ATP8A1: variants seen among roughly 807,000 people sequenced by gnomAD.
ATP8A1 encodes ATPase phospholipid transporting 8A1.
ATP8A1 carries 90 observed loss-of-function variants against 177.7 expected under a neutral mutation model. That is an observed-to-expected ratio of 0.51 (90% CI 0.43 to 0.60). The LOEUF (loss-of-function observed/expected upper bound fraction) is 0.60, where lower values mean the gene tolerates loss of function less well. Ranked by LOEUF, ATP8A1 falls within the 20% of genes least tolerant of loss-of-function variation. The pLI, the probability that ATP8A1 is intolerant of heterozygous loss-of-function variation, is 0.00. For missense variants in ATP8A1, 1,072 were observed against 1,392.8 expected, an observed-to-expected ratio of 0.77 and a Z score of 3.67; for synonymous variants, 493 against 485.9, an observed-to-expected ratio of 1.01 and a Z score of -0.19.
chr4:42,440,962 A>C (rs997892076), intron 33 of ATP8A1, among the ~76,000 whole-genome samples: 4 of 152,118 alleles, frequency 2.6e-5, no homozygotes, highest in African/African-American at 9.7e-5. Flanking sequence ...CCAAATCAAC[A>C]CAGGAAAGGA....
At chr4:42,634,060 G>A (rs2109518110) in intron 1 of ATP8A1, among the ~76,000 whole-genome samples, 1 of 152,302 alleles carries the variant, frequency 6.6e-6, no homozygotes, top group East Asian at 1.9e-4. Flanking sequence ...TATGCAGTAG[G>A]AATTCACTGA....
intron 35 of ATP8A1, among the ~76,000 whole-genome samples, chr4:42,419,623 T>C (rs564264258): frequency 3.3e-5 from 5 of 152,268 alleles, no homozygotes; most frequent in African/African-American, 4.8e-5. Context: ...TAAAATAACA[T>C]GGTGTTTTGG....
intron 7 of ATP8A1, among the ~76,000 whole-genome samples, chr4:42,589,292 T>A: frequency 6.6e-6 from 1 of 152,342 alleles, no homozygotes; most frequent in East Asian, 1.9e-4. Flanking sequence ...AATTTACTAA[T>A]ATCACATAAG....
At chr4:42,629,050 A>G (rs983264074) in intron 1 of ATP8A1, among the ~76,000 whole-genome samples, 1 of 152,200 alleles carries the variant, frequency 6.6e-6, no homozygotes, top group Non-Finnish European at 1.5e-5. Context: ...ATTGCTATCC[A>G]CTGAAAGCAA....
At position 42,557,601 on chromosome 4, in the gene ATP8A1, A is replaced by G. The variant is rs183657024; in HGVS notation, c.1341-1561T>C. 8.4e-3 allele frequency among the ~76,000 whole-genome samples: 1,279 copies of G among 152,342 alleles called. 12 individuals are homozygous for G. Among genetic ancestry groups the G allele is most frequent in the African/African-American group, 0.029 (1,193 of 41,562 alleles). ...ACTATAATTGACTTAATTTTCAAAC[A>G]TATTTATATTTGAGTAGCTCTGGAT... On this transcript the variant is annotated intron_variant, in intron 15 of 36. Coordinates refer to ENST00000381668, the MANE Select transcript of ATP8A1 (RefSeq NM_006095.2).
chr4:42,530,562 C>G (rs914386719), intron 20 of ATP8A1, among the ~76,000 whole-genome samples: 1 of 152,154 alleles, frequency 6.6e-6, no homozygotes, highest in Non-Finnish European at 1.5e-5. Flanking sequence ...CTGCCTCTGG[C>G]CAAGGCACTC....
In ATP8A1 at chr4:42,635,810, T is replaced by TATATATATACAC. The variant is rs1305090729; in HGVS notation, c.50-8702_50-8701insGTGTATATATAT. Among the ~76,000 whole-genome samples the TATATATATACAC allele has an allele frequency of 3.9e-5, 4 of 103,896 alleles. 1 individual carries two copies. The highest frequency in any genetic ancestry group is 1.0e-4 in the African/African-American group (2 of 19,154). The allele number at this position is 103,896 out of a possible 152,430, so 68.2% of individuals were successfully genotyped here. On this transcript the variant is annotated intron_variant, in intron 1 of 36. Transcript: ENST00000381668. ...ATATATATATATATATATATATATA[T>TATATATATACAC]ACACATGTATGTATGTATGTAAGCT... is the stretch of plus-strand genomic sequence containing the variant.
At chr4:42,467,646 T>C (rs1176984736) in intron 25 of ATP8A1, among the ~76,000 whole-genome samples, 4 of 152,120 alleles carry the variant, frequency 2.6e-5, no homozygotes, top group Non-Finnish European at 5.9e-5. Context: ...TGAGCTGAGA[T>C]GGCGCCACTG....
At chr4:42,514,433 T>G (rs1008641249) in intron 22 of ATP8A1, among the ~76,000 whole-genome samples, 3 of 152,190 alleles carry the variant, frequency 2.0e-5, no homozygotes, top group Non-Finnish European at 4.4e-5. Flanking sequence ...AAGGAAATCT[T>G]AAGTACTTTA....
At chr4:42,590,999 T>C in intron 6 of ATP8A1, 115 bp from the exon 7 acceptor site, 1 of 911,374 alleles carries the variant, frequency 1.1e-6, no homozygotes, top group Admixed American at 2.6e-5. Context: ...TAGAAAATAA[T>C]ACATGTTAAT....
rs1352430673 is a variant in ATP8A1 at position 42,586,430 on chromosome 4, C to G, written c.641G>C (p.Arg214Thr). The G allele has an allele frequency of 6.2e-7, 1 of 1,614,084 alleles. No individual in the cohort carries two copies. The highest frequency in any genetic ancestry group is 1.1e-5 in the South Asian group (1 of 91,078). ...TTCACACTCAATTCTGCCAGAAATC[C>G]TCATCAAACTGTCAACGTCTTTGAT... ...SDIKDVDSLM[R>T]ISGRIECESP... Residue 214 changes from arginine (R) to threonine (T), a missense_variant, in exon 9 of 37, where the codon AGG becomes ACG. Physicochemically the swap from Arg to Thr is moderately conservative, Grantham distance 71 (BLOSUM62 -1). This residue lies in a region of ATP8A1 where 344 missense variants were observed against 393.5 expected (regional missense o/e 0.87). Coordinates refer to ENST00000381668, the MANE Select transcript of ATP8A1 (RefSeq NM_006095.2).
intron 1 of ATP8A1, among the ~76,000 whole-genome samples, chr4:42,637,857 G>T (rs1739551487): frequency 6.6e-6 from 1 of 152,002 alleles, no homozygotes; most frequent in South Asian, 2.1e-4. Flanking sequence ...ACTCTCCTTG[G>T]CCATTCTTCT....
At chr4:42,580,543 A>C (rs1298746549) in intron 10 of ATP8A1, among the ~76,000 whole-genome samples, 1 of 152,248 alleles carries the variant, frequency 6.6e-6, no homozygotes, top group African/African-American at 2.4e-5. Flanking sequence ...GATGATTCAA[A>C]TGGTTATGTA....
intron 35 of ATP8A1, among the ~76,000 whole-genome samples, chr4:42,419,920 G>C (rs1050727445): frequency 6.6e-6 from 1 of 152,060 alleles, no homozygotes; most frequent in South Asian, 2.1e-4. Flanking sequence ...GGAGAATGGT[G>C]TGAATCTGGG....
chr4:42,435,461 A>AAAAAAAAAAAAAAAAAAAC lies in ATP8A1; in HGVS notation c.3123+8103_3123+8104insGTTTTTTTTTTTTTTTTTT, dbSNP rs1553871738. On this transcript the variant is annotated intron_variant, in intron 33 of 36. Transcript: ENST00000381668. ...AAAAAAAAAAAAAACAAAAAAAAAAAAACAAACTATCTCCAGTTATGAGCT... is the reference window on the plus strand; with the variant it reads ...AAAAAAAAAAAAAACAAAAAAAAAAAAAAAAAAAAAAAAAAAAACAACAAACTATCTCCAGTTATGAGCT... Among the ~76,000 whole-genome samples the AAAAAAAAAAAAAAAAAAAC allele has an allele frequency of 1.3e-4, 16 of 122,390 alleles. 1 individual carries two copies. Among genetic ancestry groups the AAAAAAAAAAAAAAAAAAAC allele is most frequent in the Non-Finnish European group, 2.5e-4 (14 of 56,488 alleles). 80.3% of individuals were successfully genotyped at this position (122,390 alleles called of 152,430 possible). A position where few individuals can be genotyped will look rare whatever the true frequency, so the allele number is the denominator to read the frequency against.
chr4:42,425,335 T>C (rs996399916), intron 33 of ATP8A1, among the ~76,000 whole-genome samples: 5 of 152,302 alleles, frequency 3.3e-5, no homozygotes, highest in Admixed American at 1.3e-4. Context: ...ATTCTGACCA[T>C]TGTGATGCTA....
At chr4:42,583,232 T>C (rs181109331) in intron 9 of ATP8A1, among the ~76,000 whole-genome samples, 3 of 152,316 alleles carry the variant, frequency 2.0e-5, no homozygotes, top group African/African-American at 7.2e-5. Context: ...TGCACTTGAA[T>C]GAATCCTTAG....
At chr4:42,608,788 G>A (rs959296826) in intron 5 of ATP8A1, among the ~76,000 whole-genome samples, 11 of 152,196 alleles carry the variant, frequency 7.2e-5, no homozygotes, top group Admixed American at 2.0e-4. Flanking sequence ...CATTTAAGAG[G>A]AATTTTAGGT....
At chr4:42,531,633 C>T (rs1321857816) in intron 20 of ATP8A1, among the ~76,000 whole-genome samples, 5 of 152,148 alleles carry the variant, frequency 3.3e-5, no homozygotes, top group Admixed American at 6.5e-5. Context: ...AATTGTTCCT[C>T]TTTGCTGATG....
Sources: allele counts gnomAD v4.1 joint callset (sites outside exome capture counted in the v4.1 genomes callset), GRCh38; gene constraint gnomAD v4.1.1; regional missense constraint gnomAD v4.1.1; transcripts MANE v1.5; gene names NCBI Gene and HGNC (gene_info 2026-07-23, HGNC 2026-07-21).